Variants in UBASH3B observed in about 807,000 individuals in gnomAD.
UBASH3B encodes the protein ubiquitin associated and SH3 domain containing B, also known as ubiquitin-associated and SH3 domain-containing protein B.
In UBASH3B, 37 loss-of-function variants were observed where a neutral mutation model predicts 83.4. The observed-to-expected ratio is 0.44, with a 90% CI of 0.34 to 0.58. UBASH3B has a LOEUF of 0.58. Ranked by LOEUF, UBASH3B falls within the 20% of genes least tolerant of loss-of-function variation. The pLI, the probability that UBASH3B is intolerant of heterozygous loss-of-function variation, is 0.01. For missense variants in UBASH3B, 657 were observed against 827.2 expected, an observed-to-expected ratio of 0.79 and a Z score of 2.52; for synonymous variants, 304 against 318.3, an observed-to-expected ratio of 0.96 and a Z score of 0.48.
intron 1 of UBASH3B, among the ~76,000 whole-genome samples, chr11:122,673,476 G>A (rs1454540553): frequency 3.9e-5 from 6 of 152,018 alleles, no homozygotes; most frequent in Non-Finnish European, 7.4e-5. Flanking sequence ...GTGAAACCCC[G>A]TCTCTACTAA....
intron 1 of UBASH3B, among the ~76,000 whole-genome samples, chr11:122,669,653 C>A (rs1236575651): frequency 6.6e-6 from 1 of 152,192 alleles, no homozygotes; most frequent in Non-Finnish European, 1.5e-5. Context: ...CCAACCCAAG[C>A]ACCAGGTAGT....
At chr11:122,742,413 T>C (rs895976172) in intron 1 of UBASH3B, among the ~76,000 whole-genome samples, 1 of 152,146 alleles carries the variant, frequency 6.6e-6, no homozygotes, top group Non-Finnish European at 1.5e-5. Flanking sequence ...CCTCTGATGC[T>C]CCATTTTATG....
At chr11:122,690,233 A>ATT (rs574872185) in intron 1 of UBASH3B, among the ~76,000 whole-genome samples, 1 of 57,080 alleles carries the variant, frequency 1.8e-5, no homozygotes, top group African/African-American at 5.9e-5. Flanking sequence ...TATATATCCA[A>ATT]TTTTATATAT....
intron 1 of UBASH3B, among the ~76,000 whole-genome samples, chr11:122,710,948 T>C (rs1565537485): frequency 6.6e-6 from 1 of 152,150 alleles, no homozygotes; most frequent in Non-Finnish European, 1.5e-5. Context: ...TTTCAAATCA[T>C]CCCTTTTCAT....
At chr11:122,741,201 A>C (rs565159204) in intron 1 of UBASH3B, among the ~76,000 whole-genome samples, 1 of 152,350 alleles carries the variant, frequency 6.6e-6, no homozygotes, top group East Asian at 1.9e-4. Context: ...AGATTTTATA[A>C]GATCTTCACA....
At chr11:122,742,333 A>C (rs1861039530) in intron 1 of UBASH3B, among the ~76,000 whole-genome samples, 2 of 152,246 alleles carry the variant, frequency 1.3e-5, no homozygotes, top group Non-Finnish European at 2.9e-5. Context: ...CTCTCGTTTC[A>C]GTCTTGAAGA....
At chr11:122,784,033 G>T (rs1860904217) in intron 5 of UBASH3B, among the ~76,000 whole-genome samples, 1 of 151,716 alleles carries the variant, frequency 6.6e-6, no homozygotes, top group Non-Finnish European at 1.5e-5. Flanking sequence ...CCCTGCCCCT[G>T]GGGTTCAAGC....
chr11:122,798,401 C>T (rs1286353429), intron 9 of UBASH3B, among the ~76,000 whole-genome samples: 1 of 152,014 alleles, frequency 6.6e-6, no homozygotes, highest in African/African-American at 2.4e-5. Flanking sequence ...TTGTTAGCAC[C>T]AGAGGGAAGG....
At chr11:122,778,750 G>A (rs12269924) in intron 3 of UBASH3B, among the ~76,000 whole-genome samples, 2,086 of 151,746 alleles carry the variant, frequency 0.014, 36 homozygotes, top group African/African-American at 0.047. Context: ...GATTATAGGC[G>A]TCCGCCACCA....
chr11:122,785,552 T>C (rs1228735734), intron 5 of UBASH3B, among the ~76,000 whole-genome samples: 3 of 152,218 alleles, frequency 2.0e-5, no homozygotes, highest in Non-Finnish European at 4.4e-5. Context: ...GTATTTCACA[T>C]GGGCTCTTCC....
chr11:122,799,540 C>G (rs565528028), intron 10 of UBASH3B, among the ~76,000 whole-genome samples: 2 of 151,522 alleles, frequency 1.3e-5, no homozygotes, highest in Non-Finnish European at 2.9e-5. Context: ...AGGAAGTATA[C>G]TAATGTTTTC....
rs146156676 is a variant in UBASH3B, at chr11:122,794,474, A to G, written c.981-228A>G. ...CGCCTGCCTCGGCGTCCCAAAGTGCAGGTGTGATCACCACACCCGGCCTAC... is the reference window on the plus strand; with the variant it reads ...CGCCTGCCTCGGCGTCCCAAAGTGCGGGTGTGATCACCACACCCGGCCTAC... On this transcript the variant is annotated intron_variant, in intron 6 of 13. Transcript: ENST00000284273. 9.5e-3 allele frequency among the ~76,000 whole-genome samples: 1,453 copies of G among 152,192 alleles called. 19 individuals carry two copies. Among genetic ancestry groups the G allele is most frequent in the African/African-American group, 0.033 (1,373 of 41,528 alleles).
At chr11:122,767,017 C>T (rs956676978) in intron 1 of UBASH3B, among the ~76,000 whole-genome samples, 1 of 152,020 alleles carries the variant, frequency 6.6e-6, no homozygotes, top group Non-Finnish European at 1.5e-5. Flanking sequence ...CAGTGGCTCA[C>T]GCCTGTAATC....
intron 1 of UBASH3B, among the ~76,000 whole-genome samples, chr11:122,700,144 T>C (rs1343869219): frequency 6.6e-6 from 1 of 152,168 alleles, no homozygotes; most frequent in African/African-American, 2.4e-5. Context: ...GTAACCATCA[T>C]TCCCCCGGGA....
Position 122,694,561 on chromosome 11 carries a change from ACT to A in UBASH3B, c.161+38354_161+38355del, listed in dbSNP as rs560108793. Among the ~76,000 whole-genome samples, 163 of 152,032 alleles carry A rather than the reference ACT, an allele frequency of 1.1e-3. 1 individual carries two copies. The highest frequency in any genetic ancestry group is 3.8e-3 in the African/African-American group (159 of 41,464). On this transcript the variant is annotated intron_variant, in intron 1 of 13. Coordinates refer to ENST00000284273, the MANE Select transcript of UBASH3B (RefSeq NM_032873.5). ...AGTCCAGTCTGGGCAATATAGCAAGACTCTGTCTCTAAAAAAACTTGGAAGGA... is the reference window on the plus strand; with the variant it reads ...AGTCCAGTCTGGGCAATATAGCAAGACTGTCTCTAAAAAAACTTGGAAGGA...
At chr11:122,685,460 G>C (rs1252501624) in intron 1 of UBASH3B, among the ~76,000 whole-genome samples, 1 of 152,208 alleles carries the variant, frequency 6.6e-6, no homozygotes, top group East Asian at 1.9e-4. Flanking sequence ...GGCAGAGATG[G>C]AGTTTTCAAA....
chr11:122,809,608 A>T (rs1861403332), intron 13 of UBASH3B, 141 bp from the exon 14 acceptor site: 2 of 778,950 alleles, frequency 2.6e-6, no homozygotes, highest in Non-Finnish European at 2.0e-6. Context: ...TCGATTTTTG[A>T]AGGGAATGCA....
chr11:122,793,702 C>T (rs1366042175), intron 6 of UBASH3B, among the ~76,000 whole-genome samples: 1 of 152,204 alleles, frequency 6.6e-6, no homozygotes, highest in Non-Finnish European at 1.5e-5. Flanking sequence ...TGACTGTCTT[C>T]CTTTCAGCAA....
intron 1 of UBASH3B, among the ~76,000 whole-genome samples, chr11:122,690,121 G>A (rs553546095): frequency 1.1e-3 from 159 of 144,808 alleles, no homozygotes; most frequent in African/African-American, 3.9e-3. Flanking sequence ...CAGGTGAATG[G>A]TCAGAGAGAT....
Sources: gnomAD v4.1 joint callset for allele counts (sites outside exome capture counted in the v4.1 genomes callset) on GRCh38, gnomAD v4.1.1 for gene constraint, MANE v1.5 for transcripts, NCBI Gene and HGNC (gene_info 2026-07-23, HGNC 2026-07-21) for gene names.